The following SUMO3 variants were observed in gnomAD, a reference collection of about 807,000 sequenced individuals.
The protein encoded by SUMO3 is small ubiquitin-related modifier 3.
SUMO3 carries 2 observed loss-of-function variants against 11.1 expected under a neutral mutation model. The observed-to-expected ratio is 0.18, with a 90% CI of 0.07 to 0.57. The LOEUF (loss-of-function observed/expected upper bound fraction) is 0.57. Ranked by LOEUF, SUMO3 falls within the 20% of genes least tolerant of loss-of-function variation. SUMO3 has a pLI of 0.92. For missense variants in SUMO3, 70 were observed against 132.8 expected, an observed-to-expected ratio of 0.53 and a Z score of 2.32; for synonymous variants, 56 against 53.5, an observed-to-expected ratio of 1.05 and a Z score of -0.20.
At chr21:44,816,847 G>A (rs1303287227) in intron 1 of SUMO3, among the ~76,000 whole-genome samples, 4 of 143,524 alleles carry the variant, frequency 2.8e-5, no homozygotes, top group Admixed American at 6.9e-5. Flanking sequence ...CAGAGAAGTG[G>A]GCGCACACCG....
rs1223725934 is a variant in SUMO3 at position 44,811,008 on chromosome 21, AC to A, written c.151-1891del. On this transcript the variant is annotated intron_variant, in intron 2 of 3. Transcript: ENST00000332859. This position sits in a 1 kb window ranked among gnomAD's most constrained non-coding sequence, Gnocchi z 5.0. ...CATGCACACACCCACACATGCACAC[AC>A]CCACATATGCACACACGCACACACC... Among the ~76,000 whole-genome samples, 1 of 113,474 alleles carries A rather than the reference AC, an allele frequency of 8.8e-6. No homozygotes were observed. Among genetic ancestry groups the A allele is most frequent in the African/African-American group, 3.3e-5 (1 of 29,986 alleles). 74.4% of individuals were successfully genotyped at this position (113,474 alleles called of 152,430 possible).
intron 2 of SUMO3, chr21:44,813,539 A>G (rs1337959120): frequency 4.9e-6 from 2 of 406,338 alleles, no homozygotes; most frequent in Non-Finnish European, 9.0e-6. Flanking sequence ...CACACCGCAC[A>G]TGAGGGCAGT....
In SUMO3 at chr21:44,817,770, G is replaced by C. The variant is rs2083256084; in HGVS notation, c.21+178C>G. On this transcript the variant is annotated intron_variant, in intron 1 of 3. Transcript: ENST00000332859. ...CGGAGCTCGCGGCACAGCGCGCTTC[G>C]CGGGGGCAGAGGGGGCGCACCTTGG... 2.0e-5 allele frequency among the ~76,000 whole-genome samples: 3 copies of C among 148,440 alleles called. No homozygotes were observed. The South Asian group carries it at 6.5e-4, about 32-fold the overall frequency.
chr21:44,814,766 C>T (rs142097939), intron 1 of SUMO3, among the ~76,000 whole-genome samples: 1 of 152,334 alleles, frequency 6.6e-6, no homozygotes, highest in East Asian at 1.9e-4. Flanking sequence ...GGGAAGCCAC[C>T]TCCGAGTACT....
chr21:44,808,276 G>A (rs1332058819), intron 3 of SUMO3: 3 of 294,940 alleles, frequency 1.0e-5, no homozygotes. Context: ...ACTTTGGGGG[G>A]CTGAGGTGGG....
intron 1 of SUMO3, among the ~76,000 whole-genome samples, 174 bp downstream of exon 1, chr21:44,817,774 G>A (rs916518201): frequency 1.4e-4 from 19 of 136,690 alleles, no homozygotes; most frequent in Non-Finnish European, 2.4e-4. Context: ...CGCTTCGCGG[G>A]GGCAGAGGGG....
Position 44,807,242 on chromosome 21 carries a change from G to A in SUMO3, c.223-202C>T, listed in dbSNP as rs2083182993. On this transcript the variant is annotated intron_variant, in intron 3 of 3. Coordinates refer to ENST00000332859, the MANE Select transcript of SUMO3 (RefSeq NM_006936.3). This position sits in a 1 kb window ranked among gnomAD's most constrained non-coding sequence, Gnocchi z 4.3. ...GCTGTATGCTCACTACAGCCCTTAC[G>A]GTTCAACAAGCTTCCCCTAACAAAA... 6.6e-6 allele frequency among the ~76,000 whole-genome samples: 1 copy of A among 152,056 alleles called. No individual in the cohort carries two copies. Among genetic ancestry groups the A allele is most frequent in the Admixed American group, 6.6e-5 (1 of 15,264 alleles).
chr21:44,810,810 C>T lies in SUMO3; in HGVS notation c.151-1692G>A, dbSNP rs116147368. On this transcript the variant is annotated intron_variant, in intron 2 of 3. Transcript: ENST00000332859. This position sits in a 1 kb window ranked among gnomAD's most constrained non-coding sequence, Gnocchi z 4.1. Reference sequence around the variant, plus strand: ...AGAAGTCAGCCTGCGTGAGAGCAGTCAGGGAAAGGCTCACTGTGCAGCAGC... The same window carrying T: ...AGAAGTCAGCCTGCGTGAGAGCAGTTAGGGAAAGGCTCACTGTGCAGCAGC... Among the ~76,000 whole-genome samples, 1 of 152,116 alleles carries T rather than the reference C, an allele frequency of 6.6e-6. No individual in the cohort carries two copies. Among genetic ancestry groups the T allele is most frequent in the African/African-American group, 2.4e-5 (1 of 41,422 alleles).
At chr21:44,808,235 G>A (rs923288144) in intron 3 of SUMO3, 54 of 247,836 alleles carry the variant, frequency 2.2e-4, no homozygotes, top group Admixed American at 2.8e-4. Flanking sequence ...TGTTTCGGCC[G>A]GGCGCGTTGG....
chr21:44,807,898 G>A lies in SUMO3; in HGVS notation c.223-858C>T, dbSNP rs989538290. Among the ~76,000 whole-genome samples, 1 of 152,208 alleles carries A rather than the reference G, an allele frequency of 6.6e-6. No individual in the cohort carries two copies. The highest frequency in any genetic ancestry group is 2.4e-5 in the African/African-American group (1 of 41,452). ...CAGCTGCTCTCAGCAGCTTCTCCCT[G>A]GTGAACACTCCCAGAGCTGCCACTG... On this transcript the variant is annotated intron_variant, in intron 3 of 3. Coordinates refer to ENST00000332859, the MANE Select transcript of SUMO3 (RefSeq NM_006936.3). This position sits in a 1 kb window ranked among gnomAD's most constrained non-coding sequence, Gnocchi z 4.3.
Position 44,810,496 on chromosome 21 carries a change from CAT to C in SUMO3, c.151-1380_151-1379del, listed in dbSNP as rs59575993. Among the ~76,000 whole-genome samples, 31,847 of 151,988 alleles carry C rather than the reference CAT, an allele frequency of 0.21. 4,611 individuals are homozygous for C. Among genetic ancestry groups the C allele is most frequent in the East Asian group, 0.59 (3,038 of 5,132 alleles). On this transcript the variant is annotated intron_variant, in intron 2 of 3. Coordinates refer to ENST00000332859, the MANE Select transcript of SUMO3 (RefSeq NM_006936.3). This position sits in a 1 kb window ranked among gnomAD's most constrained non-coding sequence, Gnocchi z 4.1. ...ACCCTGTGCCTCCCACGGCAGCACA[CAT>C]GAGATGTGCTTTCTGAGAAGGTGGG... is the stretch of plus-strand genomic sequence containing the variant.
Position 44,811,159 on chromosome 21 carries a change from G to T in SUMO3, c.151-2041C>A, listed in dbSNP as rs60685574. On this transcript the variant is annotated intron_variant, in intron 2 of 3. Transcript: ENST00000332859. The surrounding 1 kb of genome is among the most constrained non-coding windows in gnomAD (Gnocchi z 5.0). ...GCACACACCCACACATACACACACA[G>T]GCACACACCCACACATACACACACA... Among the ~76,000 whole-genome samples, 8,111 of 140,470 alleles carry T rather than the reference G, an allele frequency of 0.058. 608 individuals carry two copies. Among genetic ancestry groups the T allele is most frequent in the African/African-American group, 0.18 (6,764 of 38,000 alleles). 92.2% of individuals were successfully genotyped at this position (140,470 alleles called of 152,430 possible). A position where few individuals can be genotyped will look rare whatever the true frequency, so the allele number is the denominator to read the frequency against.
At chr21:44,812,736 G>A (rs1300705195) in intron 2 of SUMO3, among the ~76,000 whole-genome samples, 1 of 152,242 alleles carries the variant, frequency 6.6e-6, no homozygotes, top group Non-Finnish European at 1.5e-5. Flanking sequence ...GGGGAGCTCC[G>A]GGAGAGCAGG....
chr21:44,809,002 A>G, intron 3 of SUMO3, 45 bp downstream of exon 3: 2 of 1,559,414 alleles, frequency 1.3e-6, no homozygotes, highest in Non-Finnish European at 1.8e-6. Context: ...GTTACCCCGC[A>G]CAAATCGGAA....
intron 1 of SUMO3, among the ~76,000 whole-genome samples, chr21:44,814,938 G>A (rs140275998): frequency 1.7e-3 from 252 of 152,350 alleles, no homozygotes; most frequent in African/African-American, 5.6e-3. Context: ...AAGAGACTGG[G>A]AGCCAACTTC....
At chr21:44,812,204 G>C (rs1032224486) in intron 2 of SUMO3, among the ~76,000 whole-genome samples, 1 of 151,726 alleles carries the variant, frequency 6.6e-6, no homozygotes, top group South Asian at 2.1e-4. Context: ...CTATAGGCTT[G>C]CACCACCACA....
At chr21:44,808,213 A>T (rs985019455) in intron 3 of SUMO3, 2 of 196,374 alleles carry the variant, frequency 1.0e-5, no homozygotes, top group African/African-American at 2.3e-5. Context: ...AACCAAGTTT[A>T]AAAAAAAACT....
rs1229258550 is a variant in SUMO3 at position 44,810,566 on chromosome 21, G to A, written c.151-1448C>T. Among the ~76,000 whole-genome samples, 1 of 152,198 alleles carries A rather than the reference G, an allele frequency of 6.6e-6. No homozygotes were observed. Among genetic ancestry groups the A allele is most frequent in the African/African-American group, 2.4e-5 (1 of 41,446 alleles). On this transcript the variant is annotated intron_variant, in intron 2 of 3. Coordinates refer to ENST00000332859, the MANE Select transcript of SUMO3 (RefSeq NM_006936.3). This position sits in a 1 kb window ranked among gnomAD's most constrained non-coding sequence, Gnocchi z 4.1. ...AGGGCGGAAACAGGCCCACGAAAGC[G>A]CGTGCCCTCAACACTGTGCGCCAAG...
At chr21:44,812,076 T>TTTTG (rs869122905) in intron 2 of SUMO3, among the ~76,000 whole-genome samples, 1 of 144,514 alleles carries the variant, frequency 6.9e-6, no homozygotes. Flanking sequence ...TTTTTTTTTT[T>TTTTG]GAGACAGGGT....
Sources: allele counts gnomAD v4.1 joint callset (sites outside exome capture counted in the v4.1 genomes callset), GRCh38; gene constraint gnomAD v4.1.1; non-coding constraint Gnocchi (gnomAD v3.1); transcripts MANE v1.5; gene names NCBI Gene and HGNC (gene_info 2026-07-23, HGNC 2026-07-21).